The following RAD51B variants were observed in gnomAD, a reference collection of about 807,000 sequenced individuals.
RAD51B encodes the protein DNA repair protein RAD51 homolog 2.
Under a neutral mutation model 42.2 loss-of-function variants are expected in RAD51B, and 38 were observed. The observed-to-expected ratio is 0.90, with a 90% CI of 0.70 to 1.18. RAD51B has a LOEUF of 1.18. RAD51B is among the 50% of genes most tolerant of loss of function. The pLI is 0.00. For missense variants in RAD51B, 373 were observed against 400.7 expected, an observed-to-expected ratio of 0.93 and a Z score of 0.59; for synonymous variants, 154 against 145.2, an observed-to-expected ratio of 1.06 and a Z score of -0.43.
intron 7 of RAD51B, among the ~76,000 whole-genome samples, chr14:68,005,454 C>T (rs756002272): frequency 3.8e-4 from 58 of 152,090 alleles, no homozygotes; most frequent in Non-Finnish European, 6.8e-4. Flanking sequence ...TTTCTTTCAA[C>T]CTAGGAGTTG....
chr14:68,229,095 A>G (rs2080096883), intron 7 of RAD51B, among the ~76,000 whole-genome samples: 1 of 152,246 alleles, frequency 6.6e-6, no homozygotes, highest in South Asian at 2.1e-4. Flanking sequence ...CTGATGGGCA[A>G]AATTAACAGG....
intron 7 of RAD51B, among the ~76,000 whole-genome samples, chr14:68,188,567 T>A (rs183157532): frequency 9.8e-4 from 150 of 152,364 alleles, no homozygotes; most frequent in African/African-American, 3.5e-3. Context: ...ATTGTTGTGT[T>A]GATAATGGGA....
In RAD51B at chr14:68,426,017, T is replaced by TTTCC. The variant is rs2084837581; in HGVS notation, c.957+14493_957+14494insCTTC. ...CTTCCTTCCTTCCTTCCTTTCTTTC[T>TTTCC]TTCTTTCTTTCTCTCTTTCTTTCTC... On this transcript the variant is annotated intron_variant, in intron 9 of 10. Coordinates refer to ENST00000471583, the MANE Select transcript of RAD51B (RefSeq NM_133510.4). Among the ~76,000 whole-genome samples the TTTCC allele has an allele frequency of 2.4e-4, 36 of 149,860 alleles. No homozygotes were observed. In the South Asian group the frequency reaches 7.5e-3, roughly 31 times the overall value.
intron 7 of RAD51B, among the ~76,000 whole-genome samples, chr14:68,128,288 T>A (rs1352263042): frequency 6.6e-6 from 1 of 152,206 alleles, no homozygotes; most frequent in African/African-American, 2.4e-5. Flanking sequence ...GAAATAGACC[T>A]TCAATAAAGT....
At chr14:67,865,683 C>G (rs186908763) in intron 5 of RAD51B, among the ~76,000 whole-genome samples, 29 of 151,884 alleles carry the variant, frequency 1.9e-4, no homozygotes, top group African/African-American at 6.5e-4. Context: ...GGATTACAGG[C>G]GCCCTACCAC....
At chr14:68,539,732 C>A (rs1047992255) in intron 10 of RAD51B, among the ~76,000 whole-genome samples, 1 of 152,214 alleles carries the variant, frequency 6.6e-6, no homozygotes, top group Non-Finnish European at 1.5e-5. Flanking sequence ...CAGTGCAGCA[C>A]AGAAAAATCA....
intron 7 of RAD51B, among the ~76,000 whole-genome samples, chr14:67,887,884 C>T (rs1404562097): frequency 6.6e-6 from 1 of 152,156 alleles, no homozygotes; most frequent in African/African-American, 2.4e-5. Context: ...AAGTTACACT[C>T]CCATCTGCAG....
At position 67,936,434 on chromosome 14, in the gene RAD51B, T is replaced by G. The variant is rs531886871; in HGVS notation, c.756+49230T>G. ...GCATGTTATCAGTATTCTTCATTCC[T>G]TTTCATTGCCAAATAATATACTGTT... is the stretch of plus-strand genomic sequence containing the variant. On this transcript the variant is annotated intron_variant, in intron 7 of 10. Transcript: ENST00000471583. Among the ~76,000 whole-genome samples, 67 of 152,360 alleles carry G rather than the reference T, an allele frequency of 4.4e-4. 1 individual carries two copies. Among genetic ancestry groups the G allele is most frequent in the Admixed American group, 2.1e-3 (32 of 15,298 alleles).
In RAD51B at chr14:68,433,367, A is replaced by G. The variant is rs565570160; in HGVS notation, c.957+21840A>G. On this transcript the variant is annotated intron_variant, in intron 9 of 10. Transcript: ENST00000471583. Reference sequence around the variant, plus strand: ...TTTCCAACTTGGTTCCATTCTCCCCATCACTTTCAGGTACACCAATCAGAC... The same window carrying G: ...TTTCCAACTTGGTTCCATTCTCCCCGTCACTTTCAGGTACACCAATCAGAC... 6.6e-5 allele frequency among the ~76,000 whole-genome samples: 10 copies of G among 152,158 alleles called. No homozygotes were observed. In the East Asian group the frequency reaches 9.7e-4, roughly 15 times the overall value.
At chr14:68,030,998 A>G (rs1337566383) in intron 7 of RAD51B, among the ~76,000 whole-genome samples, 1 of 152,236 alleles carries the variant, frequency 6.6e-6, no homozygotes, top group Non-Finnish European at 1.5e-5. Context: ...TTATCAATTA[A>G]GTTTACTGTC....
At chr14:67,997,268 C>T (rs1445205201) in intron 7 of RAD51B, among the ~76,000 whole-genome samples, 2 of 152,070 alleles carry the variant, frequency 1.3e-5, no homozygotes, top group East Asian at 1.9e-4. Context: ...GAACTTAGCC[C>T]AGGGCATTTC....
intron 7 of RAD51B, among the ~76,000 whole-genome samples, chr14:67,921,567 T>TCACACACACACACA (rs3219795): frequency 1.5e-4 from 19 of 125,876 alleles, no homozygotes; most frequent in Non-Finnish European, 2.2e-4. Context: ...TATGTGCACA[T>TCACACACACACACA]CACACACACA....
intron 7 of RAD51B, among the ~76,000 whole-genome samples, chr14:68,067,873 G>C (rs142406470): frequency 2.7e-5 from 4 of 148,410 alleles, no homozygotes; most frequent in Non-Finnish European, 5.9e-5. Flanking sequence ...CAGAGGTTGC[G>C]GTGAGTCATG....
intron 11 of RAD51B, among the ~76,000 whole-genome samples, chr14:68,654,359 T>G (rs1428422347): frequency 6.6e-6 from 1 of 152,238 alleles, no homozygotes; most frequent in African/African-American, 2.4e-5. Context: ...GGGACACCTT[T>G]ACGTCAGGGT....
At chr14:67,826,142 T>C (rs1049177265) in intron 3 of RAD51B, among the ~76,000 whole-genome samples, 1 of 152,164 alleles carries the variant, frequency 6.6e-6, no homozygotes, top group African/African-American at 2.4e-5. Flanking sequence ...ATAGCAGTAG[T>C]TCAAAAGGTC....
chr14:67,900,273 T>C (rs1304403462), intron 7 of RAD51B, among the ~76,000 whole-genome samples: 1 of 152,194 alleles, frequency 6.6e-6, no homozygotes, highest in Admixed American at 6.5e-5. Flanking sequence ...ACTTGTAGGT[T>C]TTCTGAACAA....
chr14:68,190,084 C>T (rs577608207), intron 7 of RAD51B, among the ~76,000 whole-genome samples: 7 of 152,244 alleles, frequency 4.6e-5, no homozygotes, highest in African/African-American at 1.7e-4. Flanking sequence ...TCAAAATTCT[C>T]CCACTAAAAG....
At chr14:67,899,697 GA>G (rs2043546011) in intron 7 of RAD51B, among the ~76,000 whole-genome samples, 1 of 152,154 alleles carries the variant, frequency 6.6e-6, no homozygotes, top group Admixed American at 6.5e-5. Flanking sequence ...ATGCTGTTAA[GA>G]AGAAATAGCT....
At chr14:68,028,632 C>T (rs2075991797) in intron 7 of RAD51B, among the ~76,000 whole-genome samples, 1 of 152,188 alleles carries the variant, frequency 6.6e-6, no homozygotes, top group Admixed American at 6.5e-5. Context: ...ATCTGAAGTG[C>T]TCCCAGGCTG....
Sources: gnomAD v4.1 joint callset for allele counts (sites outside exome capture counted in the v4.1 genomes callset) on GRCh38, gnomAD v4.1.1 for gene constraint, MANE v1.5 for transcripts, NCBI Gene and HGNC (gene_info 2026-07-23, HGNC 2026-07-21) for gene names.